The following SLC39A11 variants were observed in gnomAD, a reference collection of about 807,000 sequenced individuals.
SLC39A11 encodes the protein zinc transporter ZIP11.
SLC39A11 carries 33 observed loss-of-function variants against 36.1 expected under a neutral mutation model. That is an observed-to-expected ratio of 0.91 (90% confidence interval 0.69 to 1.22). SLC39A11 has a LOEUF of 1.22. Ranked by LOEUF, SLC39A11 falls within the 50% of genes most tolerant of loss-of-function variation. The pLI, the probability that SLC39A11 is intolerant of heterozygous loss-of-function variation, is 0.00. For missense variants in SLC39A11, 432 were observed against 430.3 expected, an observed-to-expected ratio of 1.00 and a Z score of -0.03; for synonymous variants, 166 against 170.3, an observed-to-expected ratio of 0.97 and a Z score of 0.20.
At chr17:72,767,744 C>T (rs2075803351) in intron 6 of SLC39A11, among the ~76,000 whole-genome samples, 1 of 152,202 alleles carries the variant, frequency 6.6e-6, no homozygotes, top group South Asian at 2.1e-4. Context: ...TAGCACACAA[C>T]AGGATAAATG....
At chr17:72,720,626 TCA>T (rs1267868111) in intron 7 of SLC39A11, among the ~76,000 whole-genome samples, 1 of 152,112 alleles carries the variant, frequency 6.6e-6, no homozygotes, top group Non-Finnish European at 1.5e-5. Flanking sequence ...AGCAGTAGCT[TCA>T]CCATGGACAG....
intron 1 of SLC39A11, among the ~76,000 whole-genome samples, chr17:73,090,268 G>C (rs989746799): frequency 5.3e-5 from 8 of 152,178 alleles, no homozygotes; most frequent in African/African-American, 1.9e-4. Flanking sequence ...GTCCAGGTGA[G>C]CCCAGGTGAG....
At chr17:72,651,810 G>T (rs760434679) in intron 7 of SLC39A11, among the ~76,000 whole-genome samples, 5 of 152,184 alleles carry the variant, frequency 3.3e-5, no homozygotes, top group Non-Finnish European at 5.9e-5. Flanking sequence ...AGGCAGAACT[G>T]TTCATGAAGT....
intron 7 of SLC39A11, among the ~76,000 whole-genome samples, chr17:72,697,039 G>A (rs1160824996): frequency 1.3e-5 from 2 of 152,162 alleles, no homozygotes; most frequent in Non-Finnish European, 2.9e-5. Flanking sequence ...CATAACACCA[G>A]ACGTTTCATT....
intron 3 of SLC39A11, among the ~76,000 whole-genome samples, chr17:73,047,964 C>T (rs1485398037): frequency 3.1e-4 from 6 of 19,220 alleles, no homozygotes; most frequent in Admixed American, 7.3e-4. Context: ...AAGACTCCAT[C>T]TCAAAAAAAA....
intron 6 of SLC39A11, among the ~76,000 whole-genome samples, chr17:72,813,843 A>T (rs568538220): frequency 2.7e-4 from 41 of 152,330 alleles, no homozygotes; most frequent in African/African-American, 9.6e-4. Flanking sequence ...AAGGACCTGC[A>T]TATTCCACTA....
At chr17:72,932,220 C>T (rs1428522213) in intron 5 of SLC39A11, among the ~76,000 whole-genome samples, 1 of 151,866 alleles carries the variant, frequency 6.6e-6, no homozygotes, top group African/African-American at 2.4e-5. Context: ...CACTAAGGAG[C>T]TGAGTCAGAA....
rs568692391 is a variant in SLC39A11 at position 72,825,930 on chromosome 17, A to G, written c.601+23704T>C. 2.6e-5 allele frequency among the ~76,000 whole-genome samples: 4 copies of G among 152,298 alleles called. No individual in the cohort carries two copies. The South Asian group carries it at 8.3e-4, about 32-fold the overall frequency. On this transcript the variant is annotated intron_variant, in intron 6 of 9. Coordinates refer to ENST00000255559, the MANE Select transcript of SLC39A11 (RefSeq NM_139177.4). The stretch of plus-strand genomic sequence containing the variant: ...GTGGAAGTCACTTGCCTTGTCTCAG[A>G]TGAGAATTTGTACTGTGGACTTTTG...
At chr17:73,037,735 C>T (rs2058969663) in intron 3 of SLC39A11, among the ~76,000 whole-genome samples, 1 of 152,178 alleles carries the variant, frequency 6.6e-6, no homozygotes, top group Non-Finnish European at 1.5e-5. Flanking sequence ...TGGCAGGGGC[C>T]TCGCTGTACC....
chr17:73,077,982 T>C (rs932926349), intron 3 of SLC39A11, among the ~76,000 whole-genome samples: 4 of 152,172 alleles, frequency 2.6e-5, no homozygotes, highest in African/African-American at 9.7e-5. Flanking sequence ...CTCACGCCTG[T>C]AATCCCAGCA....
chr17:72,808,655 C>T (rs2077336413), intron 6 of SLC39A11, among the ~76,000 whole-genome samples: 1 of 152,164 alleles, frequency 6.6e-6, no homozygotes, highest in South Asian at 2.1e-4. Flanking sequence ...TCTGCAATTG[C>T]TCCTATAGAT....
In SLC39A11 at chr17:72,910,943, A is replaced by G. The variant is rs199511807; in HGVS notation, c.430+36809T>C. Among the ~76,000 whole-genome samples, 9 of 146,520 alleles carry G rather than the reference A, an allele frequency of 6.1e-5. No homozygotes were observed. In the East Asian group the frequency reaches 1.8e-3, roughly 29 times the overall value. On this transcript the variant is annotated intron_variant, in intron 5 of 9. Transcript: ENST00000255559. ...CTCCACCTCAAAAAAAAAAAAAAAA[A>G]AAAAAGAGTGTTCTTTGCATCAGAA...
intron 6 of SLC39A11, among the ~76,000 whole-genome samples, chr17:72,775,571 G>A (rs140864087): frequency 3.3e-5 from 5 of 152,284 alleles, no homozygotes; most frequent in East Asian, 1.9e-4. Flanking sequence ...TGCATGCTGC[G>A]AGACAATCTT....
At chr17:72,832,641 G>C (rs955485120) in intron 6 of SLC39A11, among the ~76,000 whole-genome samples, 8 of 152,130 alleles carry the variant, frequency 5.3e-5, no homozygotes, top group African/African-American at 1.7e-4. Context: ...GAAAGAAAAA[G>C]AAAATGGAAT....
At chr17:72,837,777 G>C in intron 6 of SLC39A11, 1 of 391,982 alleles carries the variant, frequency 2.6e-6, no homozygotes, top group East Asian at 4.5e-5. Flanking sequence ...CCAAGTGAAA[G>C]AAACCAGACA....
intron 7 of SLC39A11, among the ~76,000 whole-genome samples, chr17:72,721,521 A>C (rs1020580200): frequency 2.8e-4 from 43 of 152,158 alleles, no homozygotes; most frequent in Non-Finnish European, 4.3e-4. Flanking sequence ...AATGAAGGTA[A>C]AAGACAGCAC....
chr17:72,904,704 G>A (rs937899714), intron 5 of SLC39A11, among the ~76,000 whole-genome samples: 3 of 152,204 alleles, frequency 2.0e-5, no homozygotes, highest in African/African-American at 7.2e-5. Context: ...CGGGCCAAGG[G>A]ATTCAGGATC....
At chr17:73,013,916 G>C (rs2090666079) in intron 4 of SLC39A11, among the ~76,000 whole-genome samples, 1 of 152,272 alleles carries the variant, frequency 6.6e-6, no homozygotes, top group East Asian at 1.9e-4. Context: ...CTGAGACGCA[G>C]AGGCCCAGCG....
intron 5 of SLC39A11, among the ~76,000 whole-genome samples, chr17:72,906,754 G>C (rs2082675486): frequency 6.6e-6 from 1 of 152,222 alleles, no homozygotes; most frequent in Non-Finnish European, 1.5e-5. Flanking sequence ...AATACACTTA[G>C]GTTTCAAATG....
Sources: allele counts gnomAD v4.1 joint callset (sites outside exome capture counted in the v4.1 genomes callset), GRCh38; gene constraint gnomAD v4.1.1; transcripts MANE v1.5; gene names NCBI Gene and HGNC (gene_info 2026-07-23, HGNC 2026-07-21).